MARVELD2: variants seen among roughly 807,000 people sequenced by gnomAD.
The protein encoded by MARVELD2 is MARVEL domain-containing protein 2.
MARVELD2 carries 49 observed loss-of-function variants against 57.6 expected under a neutral mutation model. The observed-to-expected ratio is 0.85, with a 90% CI of 0.68 to 1.08. MARVELD2 has a LOEUF of 1.08. MARVELD2 is among the 50% of genes least tolerant of loss of function. The pLI is 0.00. For synonymous variants in MARVELD2, 238 were observed against 258.8 expected, an observed-to-expected ratio of 0.92 and a Z score of 0.77; for missense variants, 606 against 701.1, an observed-to-expected ratio of 0.86 and a Z score of 1.53.
chr5:69,435,639 GC>G (rs1211276252), intron 5 of MARVELD2, among the ~76,000 whole-genome samples: 2 of 150,598 alleles, frequency 1.3e-5, no homozygotes, highest in Non-Finnish European at 1.5e-5. Context: ...AGTAATCTCA[GC>G]TACTTGGGAG....
intron 3 of MARVELD2, among the ~76,000 whole-genome samples, chr5:69,427,358 A>G (rs979146589): frequency 6.6e-6 from 1 of 152,062 alleles, no homozygotes; most frequent in South Asian, 2.1e-4. Flanking sequence ...AATTGGAGAA[A>G]TAAATGCATA....
chr5:69,419,265 G>C, intron 1 of MARVELD2, 106 bp from the exon 2 acceptor site: 1 of 1,088,606 alleles, frequency 9.2e-7, no homozygotes, highest in Non-Finnish European at 1.4e-6. Flanking sequence ...AATTAGACAT[G>C]ATCCTGTTGG....
intron 2 of MARVELD2, among the ~76,000 whole-genome samples, chr5:69,423,712 A>G (rs1012223202): frequency 7.9e-5 from 12 of 152,074 alleles, no homozygotes; most frequent in East Asian, 1.9e-4. Context: ...GCCTCAAGCA[A>G]TCCTCTCCCC....
intron 1 of MARVELD2, among the ~76,000 whole-genome samples, chr5:69,417,850 A>G (rs1428032285): frequency 3.3e-5 from 5 of 150,248 alleles, no homozygotes; most frequent in African/African-American, 1.2e-4. Flanking sequence ...GAGGCAGGAG[A>G]ATGGCATGAA....
intron 2 of MARVELD2, 124 bp from the exon 3 acceptor site, chr5:69,424,477 C>A: frequency 2.6e-6 from 2 of 772,684 alleles, no homozygotes. Context: ...GGATGAGAAA[C>A]ACCCGTCAAG....
At chr5:69,438,760 C>CAT in intron 5 of MARVELD2, among the ~76,000 whole-genome samples, 1 of 151,762 alleles carries the variant, frequency 6.6e-6, no homozygotes, top group Admixed American at 6.6e-5. Context: ...GTGGCAGGTG[C>CAT]CTGTAATCCC....
intron 5 of MARVELD2, among the ~76,000 whole-genome samples, chr5:69,438,987 G>A (rs933091714): frequency 1.3e-5 from 2 of 149,534 alleles, no homozygotes; most frequent in African/African-American, 4.9e-5. Context: ...GATCACTTGA[G>A]CCCAAGAAGT....
At chr5:69,434,918 C>T (rs1275079313) in intron 5 of MARVELD2, among the ~76,000 whole-genome samples, 4 of 152,002 alleles carry the variant, frequency 2.6e-5, no homozygotes, top group Non-Finnish European at 5.9e-5. Context: ...TGGTCTCAAA[C>T]TCCTGACCTT....
At chr5:69,437,424 C>T (rs1767187828) in intron 5 of MARVELD2, among the ~76,000 whole-genome samples, 1 of 146,762 alleles carries the variant, frequency 6.8e-6, no homozygotes, top group African/African-American at 2.5e-5. Context: ...GTGGCTCACA[C>T]CTGTAATCCC....
In MARVELD2 at chr5:69,432,396, C is replaced by T; in HGVS notation, c.1183-131C>T. The T allele has an allele frequency of 4.0e-6, 4 of 988,620 alleles. No homozygotes were observed. The South Asian group carries it at 4.2e-5, about 10-fold the overall frequency. The allele number at this position is 988,620 out of a possible 1,614,324, so 61.2% of individuals were successfully genotyped here. A position where few individuals can be genotyped will look rare whatever the true frequency, so the allele number is the denominator to read the frequency against. On this transcript the variant is annotated intron_variant, in intron 3 of 6. Coordinates refer to ENST00000325631, the MANE Select transcript of MARVELD2 (RefSeq NM_001038603.3). Reference sequence around the variant, plus strand: ...CCTCATGTGATCCTCCGGCTTTGTCCTCCCAAAGTGCTAGGATTACAGGTT... The same window carrying T: ...CCTCATGTGATCCTCCGGCTTTGTCTTCCCAAAGTGCTAGGATTACAGGTT...
chr5:69,425,264 G>T (rs1187734908), intron 3 of MARVELD2, among the ~76,000 whole-genome samples: 1 of 127,252 alleles, frequency 7.9e-6, no homozygotes, highest in African/African-American at 2.7e-5. Context: ...GGAGCGGGGA[G>T]GGATAGCATT....
At chr5:69,423,498 A>G (rs1766691686) in intron 2 of MARVELD2, among the ~76,000 whole-genome samples, 1 of 152,148 alleles carries the variant, frequency 6.6e-6, no homozygotes, top group African/African-American at 2.4e-5. Context: ...GGCTCAAGCA[A>G]TCCTCCTGCC....
rs1285435426 is a variant in MARVELD2, at chr5:69,419,828, A to C, written c.443A>C (p.Lys148Thr). ...TCAGAAGGAACCTTTAGTTCCCGGA[A>C]AGAGGCTGACGCAGTGTTTCCCCGG... ...GGSEGTFSSR[K>T]EADAVFPRDP... The change falls in exon 2 of 7, where the codon AAA (lysine) becomes ACA (threonine). Residue 148 changes from lysine to threonine, a missense_variant. Coordinates refer to ENST00000325631, the MANE Select transcript of MARVELD2 (RefSeq NM_001038603.3). The C allele has an allele frequency of 6.2e-7, 1 of 1,614,204 alleles. No homozygotes were observed. Among genetic ancestry groups the C allele is most frequent in the Admixed American group, 1.7e-5 (1 of 60,018 alleles).
intron 5 of MARVELD2, among the ~76,000 whole-genome samples, chr5:69,438,701 A>G (rs1391635177): frequency 6.6e-6 from 1 of 152,250 alleles, no homozygotes; most frequent in East Asian, 1.9e-4. Flanking sequence ...CCAGGCCAAC[A>G]TGGTGAAACC....
At chr5:69,435,581 C>T (rs1767107569) in intron 5 of MARVELD2, among the ~76,000 whole-genome samples, 1 of 151,278 alleles carries the variant, frequency 6.6e-6, no homozygotes, top group Admixed American at 6.6e-5. Context: ...TGGTGAAATG[C>T]TGTCTCTACT....
intron 5 of MARVELD2, among the ~76,000 whole-genome samples, chr5:69,440,013 A>G (rs1767280925): frequency 6.6e-6 from 1 of 152,216 alleles, no homozygotes; most frequent in South Asian, 2.1e-4. Flanking sequence ...CTAATAACTC[A>G]AAAAAGAACT....
chr5:69,425,335 G>A (rs1376570781), intron 3 of MARVELD2, among the ~76,000 whole-genome samples: 2 of 149,390 alleles, frequency 1.3e-5, no homozygotes, highest in African/African-American at 4.9e-5. Context: ...CATGGCACAT[G>A]TATACATATG....
chr5:69,430,780 C>T (rs959206736), intron 3 of MARVELD2, among the ~76,000 whole-genome samples: 2 of 151,060 alleles, frequency 1.3e-5, no homozygotes, highest in Admixed American at 6.6e-5. Flanking sequence ...ATGATCCACC[C>T]CCCTCGGCCT....
Position 69,419,455 on chromosome 5 carries a change from C to A in MARVELD2, c.70C>A (p.Gln24Lys). The A allele has an allele frequency of 6.2e-7, 1 of 1,614,172 alleles. No individual in the cohort carries two copies. Among genetic ancestry groups the A allele is most frequent in the Non-Finnish European group, 8.5e-7 (1 of 1,180,034 alleles). Residue 24 changes from glutamine to lysine, a missense_variant, in exon 2 of 7, where the codon CAA (glutamine) becomes AAA (lysine). Transcript: ENST00000325631. ...TGAGGTCCCAAGCGACCTGCCCTAT[C>A]AAGATACCACCATAAGAACCCACCC... ...YDEVPSDLPYQDTTIRTHPTL... is the reference protein window; with the variant it reads ...YDEVPSDLPYKDTTIRTHPTL...
Sources: allele counts gnomAD v4.1 joint callset (sites outside exome capture counted in the v4.1 genomes callset), GRCh38; gene constraint gnomAD v4.1.1; transcripts MANE v1.5; gene names NCBI Gene and HGNC (gene_info 2026-07-23, HGNC 2026-07-21).